The following CMIP variants were observed in gnomAD, a reference collection of about 807,000 sequenced individuals.
The protein encoded by CMIP is c-Maf inducing protein.
A neutral mutation model predicts 97.3 loss-of-function variants in CMIP; 13 were observed. That is an observed-to-expected ratio of 0.13 (90% CI 0.09 to 0.21). The LOEUF (loss-of-function observed/expected upper bound fraction) is 0.21, where lower values mean the gene tolerates loss of function less well. Among genes scored for constraint, CMIP ranks in the 10% least tolerant of loss-of-function variants. The pLI is 1.00. For synonymous variants in CMIP, 538 were observed against 436.3 expected, an observed-to-expected ratio of 1.23 and a Z score of -2.91; for missense variants, 847 against 1,024.9, an observed-to-expected ratio of 0.83 and a Z score of 2.37.
intron 1 of CMIP, among the ~76,000 whole-genome samples, chr16:81,488,834 A>G (rs965298117): frequency 6.6e-6 from 1 of 152,042 alleles, no homozygotes; most frequent in African/African-American, 2.4e-5. Context: ...TCTCTGGCAG[A>G]GCGATGTAGT....
chr16:81,475,890 G>C (rs1156538978), intron 1 of CMIP: 1 of 376,298 alleles, frequency 2.7e-6, no homozygotes, highest in Non-Finnish European at 5.1e-6. Context: ...GGGAGGCTGA[G>C]GCAGGAGAAT....
intron 1 of CMIP, among the ~76,000 whole-genome samples, chr16:81,605,298 G>A (rs1397076996): frequency 6.6e-6 from 1 of 152,320 alleles, no homozygotes; most frequent in East Asian, 1.9e-4. Flanking sequence ...GGGATTGGGG[G>A]CCAGGGGGTC....
At chr16:81,455,573 T>C (rs1023414208) in intron 1 of CMIP, among the ~76,000 whole-genome samples, 2 of 152,122 alleles carry the variant, frequency 1.3e-5, no homozygotes, top group East Asian at 1.9e-4. Context: ...CAGGGCTCTG[T>C]CCGTACTGAA....
At chr16:81,565,861 C>T (rs566100433) in intron 1 of CMIP, among the ~76,000 whole-genome samples, 2 of 152,338 alleles carry the variant, frequency 1.3e-5, no homozygotes, top group African/African-American at 4.8e-5. Context: ...CCCAGCTTTT[C>T]CCAGCCCTGT....
At chr16:81,609,791 T>G (rs1026554659) in intron 2 of CMIP, among the ~76,000 whole-genome samples, 6 of 152,166 alleles carry the variant, frequency 3.9e-5, no homozygotes, top group African/African-American at 1.4e-4. Flanking sequence ...ACCTGGGTAC[T>G]TGCTGCAGCT....
chr16:81,573,353 A>T (rs1421473101), intron 1 of CMIP, among the ~76,000 whole-genome samples: 2 of 151,740 alleles, frequency 1.3e-5, no homozygotes, highest in Non-Finnish European at 2.9e-5. Flanking sequence ...CAAAAAATAA[A>T]AAAAAAAAAA....
At chr16:81,636,228 A>G (rs546076811) in intron 3 of CMIP, among the ~76,000 whole-genome samples, 3 of 152,260 alleles carry the variant, frequency 2.0e-5, no homozygotes, top group South Asian at 4.1e-4. Flanking sequence ...TTATCCATCT[A>G]CTAGACCACT....
At chr16:81,501,344 C>T (rs1158497514) in intron 1 of CMIP, among the ~76,000 whole-genome samples, 2 of 152,246 alleles carry the variant, frequency 1.3e-5, no homozygotes, top group African/African-American at 4.8e-5. Context: ...TTTGCGTGTG[C>T]CACACAGCCT....
intron 1 of CMIP, among the ~76,000 whole-genome samples, chr16:81,504,449 C>A (rs1194066550): frequency 1.3e-5 from 2 of 151,590 alleles, no homozygotes; most frequent in African/African-American, 4.8e-5. Context: ...TTGAGACTAC[C>A]CTGGCCAACA....
At chr16:81,673,462 G>A (rs542378717) in intron 9 of CMIP, among the ~76,000 whole-genome samples, 2 of 152,140 alleles carry the variant, frequency 1.3e-5, no homozygotes, top group South Asian at 4.1e-4. Context: ...GTTGCAGTGA[G>A]CCAAGATCAC....
chr16:81,445,815 G>T (rs1040287006), intron 1 of CMIP, among the ~76,000 whole-genome samples: 1 of 151,888 alleles, frequency 6.6e-6, no homozygotes. Flanking sequence ...GGGACCTTCT[G>T]CCCCCAGCTC....
chr16:81,658,141 C>T (rs1175164338), intron 5 of CMIP, among the ~76,000 whole-genome samples: 4 of 152,192 alleles, frequency 2.6e-5, no homozygotes, highest in African/African-American at 9.7e-5. Flanking sequence ...AGGCATCACC[C>T]CATTAGCTGA....
intron 1 of CMIP, among the ~76,000 whole-genome samples, chr16:81,556,248 AT>A (rs1023100755): frequency 2.0e-5 from 3 of 152,026 alleles, no homozygotes; most frequent in Admixed American, 2.0e-4. Context: ...ACTGGTTATT[AT>A]GGGGGAATGC....
intron 1 of CMIP, among the ~76,000 whole-genome samples, chr16:81,520,850 A>G (rs2090010772): frequency 6.6e-6 from 1 of 152,104 alleles, no homozygotes; most frequent in African/African-American, 2.4e-5. Context: ...TGTGAGGAGG[A>G]AGTCAGAGGC....
At chr16:81,563,948 G>A (rs2090933073) in intron 1 of CMIP, among the ~76,000 whole-genome samples, 1 of 152,236 alleles carries the variant, frequency 6.6e-6, no homozygotes, top group South Asian at 2.1e-4. Flanking sequence ...TGGTGCCTGG[G>A]TCTGGCTTTC....
intron 19 of CMIP, 43 bp from the exon 20 acceptor site, chr16:81,706,971 T>C: frequency 1.3e-6 from 2 of 1,575,456 alleles, no homozygotes. Flanking sequence ...TTCATACCTT[T>C]GGGGCCTCGC....
chr16:81,597,025 A>G lies in CMIP; in HGVS notation c.301-10542A>G, dbSNP rs1019058500. Reference sequence around the variant, plus strand: ...CATCATTTAGGCTTCTGCTGAGTGGATATACCAGGATTTCTTTATTCATTC... The same window carrying G: ...CATCATTTAGGCTTCTGCTGAGTGGGTATACCAGGATTTCTTTATTCATTC... On this transcript the variant is annotated intron_variant, in intron 1 of 20. Transcript: ENST00000537098. Among the ~76,000 whole-genome samples, 4 of 152,266 alleles carry G rather than the reference A, an allele frequency of 2.6e-5. No individual in the cohort carries two copies. The East Asian group carries it at 7.7e-4, about 29-fold the overall frequency.
chr16:81,582,236 C>T (rs924228687), intron 1 of CMIP, among the ~76,000 whole-genome samples: 1 of 152,182 alleles, frequency 6.6e-6, no homozygotes, highest in African/African-American at 2.4e-5. Flanking sequence ...GGGGTGGGGA[C>T]ACAGACCCAA....
chr16:81,636,721 T>C lies in CMIP; in HGVS notation c.478-15482T>C, dbSNP rs201351126. On this transcript the variant is annotated intron_variant, in intron 3 of 20. Coordinates refer to ENST00000537098, the MANE Select transcript of CMIP (RefSeq NM_198390.3). ...TATTTCTCTTTAATTAAATGCACAA[T>C]GCATGAACGGCTTCCTGCAATAATT... 9.9e-5 allele frequency among the ~76,000 whole-genome samples: 15 copies of C among 152,178 alleles called. No homozygotes were observed. In the East Asian group the frequency reaches 2.3e-3, roughly 24 times the overall value.
Sources: gnomAD v4.1 joint callset for allele counts (sites outside exome capture counted in the v4.1 genomes callset) on GRCh38, gnomAD v4.1.1 for gene constraint, MANE v1.5 for transcripts, NCBI Gene and HGNC (gene_info 2026-07-23, HGNC 2026-07-21) for gene names.